Variants in MYO1H observed in about 807,000 individuals in gnomAD.
MYO1H encodes the protein unconventional myosin-Ih.
MYO1H carries 118 observed loss-of-function variants against 149.3 expected under a neutral mutation model. The ratio of observed to expected loss-of-function variants is 0.79; its 90% CI spans 0.68 to 0.92. The LOEUF is 0.92. Ranked by LOEUF, MYO1H falls within the 40% of genes least tolerant of loss-of-function variation. The pLI, the probability that MYO1H is intolerant of heterozygous loss-of-function variation, is 0.00. For synonymous variants in MYO1H, 447 were observed against 465.2 expected (o/e 0.96, Z 0.50); for missense variants, 1,212 against 1,280.7 (o/e 0.95, Z 0.82).
intron 6 of MYO1H, among the ~76,000 whole-genome samples, chr12:109,403,358 A>G (rs1031186024): frequency 6.6e-6 from 1 of 152,252 alleles, no homozygotes; most frequent in Non-Finnish European, 1.5e-5. Flanking sequence ...ATCTTCAGAT[A>G]ATTAGGAAAC....
the MYO1H span, among the ~76,000 whole-genome samples, chr12:109,322,117 CT>C: frequency 1.3e-5 from 2 of 152,066 alleles, no homozygotes; most frequent in African/African-American, 4.8e-5. Flanking sequence ...TCTTTATGGT[CT>C]TTAAGACCAT....
At chr12:109,427,897 A>ATATATAT (rs1871423968) in intron 19 of MYO1H, among the ~76,000 whole-genome samples, 1 of 51,814 alleles carries the variant, frequency 1.9e-5, no homozygotes. Context: ...AAAAAAAAAA[A>ATATATAT]AAAAAAAAAA....
rs541609087 is a variant in MYO1H at position 109,410,095 on chromosome 12, T to A, written c.1329+27T>A. 369 of 1,183,394 alleles carry A rather than the reference T, an allele frequency of 3.1e-4. 4 individuals carry two copies. The South Asian group carries it at 6.0e-3, about 19-fold the overall frequency. The allele number at this position is 1,183,394 out of a possible 1,614,324, so 73.3% of individuals were successfully genotyped here. On this transcript the variant is annotated intron_variant, in intron 12 of 31. Coordinates refer to ENST00000310903, the Ensembl canonical transcript of MYO1H. The stretch of plus-strand genomic sequence containing the variant: ...TAAACATTTTGATGTTTTCTCCTCA[T>A]CTGATTTCTTCATCTAGCTAAAGAC...
At chr12:109,435,184 T>C in intron 21 of MYO1H, 71 bp downstream of exon 21, 1 of 1,003,814 alleles carries the variant, frequency 1.0e-6, no homozygotes. Flanking sequence ...GGGTAAATCT[T>C]AAACACGGGT....
chr12:109,410,674 C>CT lies in MYO1H; in HGVS notation c.1330-11dup, dbSNP rs763042747. The CT allele has an allele frequency of 1.3e-6, 2 of 1,574,138 alleles. No homozygotes were observed. Among genetic ancestry groups the CT allele is most frequent in the Admixed American group, 3.5e-5 (2 of 56,856 alleles). ...AATATTTCTTGGAGAATTCATTCCT[C>CT]TTTGTCATTTTAGTGGGAGCCAATT... On this transcript the variant is annotated splice_polypyrimidine_tract_variant and intron_variant, in intron 12 of 31. Transcript: ENST00000310903.
chr12:109,318,924 G>A, the MYO1H span, among the ~76,000 whole-genome samples: 1 of 144,776 alleles, frequency 6.9e-6, no homozygotes, highest in African/African-American at 2.7e-5. Flanking sequence ...GTGAGGGGAG[G>A]GGAAATCAGG....
chr12:109,415,679 A>G (rs944020332), intron 15 of MYO1H, 59 bp downstream of exon 15: 17 of 1,287,458 alleles, frequency 1.3e-5, no homozygotes, highest in African/African-American at 1.2e-4. Context: ...GTGTCTTACA[A>G]TAAGCTCCGA....
intron 17 of MYO1H, 107 bp from the exon 18 acceptor site, chr12:109,425,839 A>C (rs1871331952): frequency 2.6e-5 from 21 of 793,952 alleles, no homozygotes; most frequent in Non-Finnish European, 3.8e-5. Flanking sequence ...TCAATAGTTC[A>C]GCTCTATAGG....
intron 4 of MYO1H, 44 bp from the exon 5 acceptor site, chr12:109,397,688 C>T: frequency 6.6e-7 from 1 of 1,505,838 alleles, no homozygotes; most frequent in South Asian, 1.2e-5. Flanking sequence ...ATTTGATACG[C>T]ATGGTGAGCT....
the MYO1H span, among the ~76,000 whole-genome samples, chr12:109,335,480 T>A: frequency 6.6e-6 from 1 of 152,148 alleles, no homozygotes; most frequent in East Asian, 1.9e-4. Context: ...AACATGAAAT[T>A]TGGGTGGGGA....
At chr12:109,311,782 T>G in the MYO1H span, among the ~76,000 whole-genome samples, 2 of 152,208 alleles carry the variant, frequency 1.3e-5, no homozygotes, top group African/African-American at 4.8e-5. Flanking sequence ...TTTCTTCAGA[T>G]TCCCTATTAG....
intron 1 of MYO1H, among the ~76,000 whole-genome samples, chr12:109,349,760 A>G (rs1409261550): frequency 6.6e-6 from 1 of 151,618 alleles, no homozygotes; most frequent in South Asian, 2.1e-4. Flanking sequence ...GGAGATCGAG[A>G]CCATCCTGGC....
At chr12:109,379,254 G>A (rs957528400) in intron 1 of MYO1H, among the ~76,000 whole-genome samples, 1 of 152,216 alleles carries the variant, frequency 6.6e-6, no homozygotes. Context: ...GGTTAGATCA[G>A]ATTCAGCTCT....
At chr12:109,340,144 C>T in the MYO1H span, among the ~76,000 whole-genome samples, 61 of 152,204 alleles carry the variant, frequency 4.0e-4, no homozygotes, top group Middle Eastern at 6.8e-3. Flanking sequence ...CGGTGGCATA[C>T]CTACAGTATC....
intron 2 of MYO1H, among the ~76,000 whole-genome samples, chr12:109,392,439 C>A (rs1869695701): frequency 6.6e-6 from 1 of 152,136 alleles, no homozygotes; most frequent in Non-Finnish European, 1.5e-5. Flanking sequence ...AGAAGTCTTC[C>A]CGGCCAGGCG....
At chr12:109,424,685 C>T in intron 16 of MYO1H, 63 bp from the exon 17 acceptor site, 1 of 1,334,056 alleles carries the variant, frequency 7.5e-7, no homozygotes, top group Non-Finnish European at 1.1e-6. Context: ...TGTGAGCCGT[C>T]CTGACAGCCC....
At chr12:109,442,148 G>A in intron 26 of MYO1H, 69 bp from the exon 27 acceptor site, 1 of 1,338,484 alleles carries the variant, frequency 7.5e-7, no homozygotes, top group East Asian at 2.3e-5. Context: ...AAAACTAGCA[G>A]ATACCAATGA....
chr12:109,375,236 T>C (rs913373940), intron 1 of MYO1H, among the ~76,000 whole-genome samples: 1 of 148,596 alleles, frequency 6.7e-6, no homozygotes, highest in African/African-American at 2.5e-5. Flanking sequence ...CACTGCAGCC[T>C]CCACCTCCCA....
intron 8 of MYO1H, 37 bp downstream of exon 8, chr12:109,406,072 G>T (rs1262479281): frequency 2.0e-6 from 3 of 1,471,306 alleles, no homozygotes; most frequent in African/African-American, 2.8e-5. Flanking sequence ...GAAGGAGGGG[G>T]ATGGGTGGGA....
Sources: gnomAD v4.1 joint callset for allele counts (sites outside exome capture counted in the v4.1 genomes callset) on GRCh38, gnomAD v4.1.1 for gene constraint, MANE v1.5 for transcripts, NCBI Gene and HGNC (gene_info 2026-07-23, HGNC 2026-07-21) for gene names.